Variants in CPS1 observed in about 807,000 individuals in gnomAD.
The protein encoded by CPS1 is carbamoyl-phosphate synthase [ammonia], mitochondrial.
Under a neutral mutation model 174.6 loss-of-function variants are expected in CPS1, and 109 were observed. The observed-to-expected ratio is 0.62, with a 90% confidence interval of 0.53 to 0.73. The LOEUF (loss-of-function observed/expected upper bound fraction) is 0.73. Ranked by LOEUF, CPS1 falls within the 30% of genes least tolerant of loss-of-function variation. CPS1 has a pLI of 0.00. For missense variants in CPS1, 1,689 were observed against 1,821.9 expected, an observed-to-expected ratio of 0.93 and a Z score of 1.33; for synonymous variants, 637 against 632.0, an observed-to-expected ratio of 1.01 and a Z score of -0.12.
At chr2:210,631,846 A>C (rs552806036) in intron 21 of CPS1, among the ~76,000 whole-genome samples, 1 of 152,354 alleles carries the variant, frequency 6.6e-6, no homozygotes, top group African/African-American at 2.4e-5. Context: ...CAAAAGAGTA[A>C]AAATTAACAT....
At chr2:210,629,931 G>A (rs914044080) in intron 21 of CPS1, among the ~76,000 whole-genome samples, 2 of 151,390 alleles carry the variant, frequency 1.3e-5, no homozygotes, top group African/African-American at 4.8e-5. Context: ...AAATTAGCCG[G>A]GCGTGGTGGC....
intron 25 of CPS1, among the ~76,000 whole-genome samples, chr2:210,646,935 A>AT (rs367904740): frequency 7.7e-4 from 113 of 147,400 alleles, no homozygotes; most frequent in Middle Eastern, 3.5e-3. Flanking sequence ...TTAGTGGACT[A>AT]TTTTTTTTTT....
upstream of CPS1, among the ~76,000 whole-genome samples, chr2:210,554,083 A>G (rs1010796946): frequency 6.9e-6 from 1 of 144,824 alleles, no homozygotes; most frequent in African/African-American, 2.7e-5. Flanking sequence ...ATATACATAC[A>G]TATGTATATG....
At chr2:210,504,738 A>G (rs1422274854) in intron 1 of CPS1, among the ~76,000 whole-genome samples, 1 of 152,244 alleles carries the variant, frequency 6.6e-6, no homozygotes, top group Non-Finnish European at 1.5e-5. Flanking sequence ...GATTCAACAG[A>G]TGCTCCAAAC....
At chr2:210,554,280 T>TAC (rs748064714), upstream of CPS1, among the ~76,000 whole-genome samples, 81 of 149,570 alleles carry the variant, frequency 5.4e-4, no homozygotes, top group Non-Finnish European at 8.2e-4. Context: ...TGTATATATA[T>TAC]ACACACACAC....
At chr2:210,596,140 A>G (rs12694204) in intron 13 of CPS1, among the ~76,000 whole-genome samples, 96,600 of 151,778 alleles carry the variant, frequency 0.64, 32,073 homozygotes, top group African/African-American at 0.84. Flanking sequence ...GTAGAAAAAA[A>G]GATTTGATAC....
At chr2:210,639,792 T>A (rs1213149103) in intron 23 of CPS1, among the ~76,000 whole-genome samples, 2 of 152,192 alleles carry the variant, frequency 1.3e-5, no homozygotes, top group Non-Finnish European at 2.9e-5. Context: ...CTATTTAATT[T>A]AAAAAATTCT....
At chr2:210,647,734 T>C in intron 25 of CPS1, 129 bp from the exon 26 acceptor site, 5 of 1,184,768 alleles carry the variant, frequency 4.2e-6, no homozygotes, top group Non-Finnish European at 6.2e-6. Context: ...CAGTATTCAT[T>C]GGTAGGAGAG....
chr2:210,548,636 T>C (rs866376046), intron 1 of CPS1, among the ~76,000 whole-genome samples: 9 of 152,196 alleles, frequency 5.9e-5, no homozygotes, highest in Middle Eastern at 3.4e-3. Flanking sequence ...GGCTTCCTTT[T>C]GTCTTTCTTT....
chr2:210,554,132 T>C (rs145841563), upstream of CPS1, among the ~76,000 whole-genome samples: 4,174 of 133,542 alleles, frequency 0.031, 149 homozygotes, highest in Non-Finnish European at 0.049. Context: ...TATATATACA[T>C]ACATATATAT....
intron 1 of CPS1, among the ~76,000 whole-genome samples, chr2:210,492,043 A>C (rs2105952398): frequency 6.6e-6 from 1 of 152,322 alleles, no homozygotes; most frequent in South Asian, 2.1e-4. Context: ...AAGCCGACAA[A>C]GTTGACTGCT....
chr2:210,601,989 G>T (rs1467568931), intron 15 of CPS1, among the ~76,000 whole-genome samples: 1 of 149,810 alleles, frequency 6.7e-6, no homozygotes, highest in Admixed American at 6.7e-5. Flanking sequence ...TTTCTTAGAA[G>T]ATATATATAT....
At chr2:210,529,455 C>A (rs901194851) in intron 1 of CPS1, among the ~76,000 whole-genome samples, 4 of 151,840 alleles carry the variant, frequency 2.6e-5, no homozygotes, top group Non-Finnish European at 1.5e-5. Context: ...TAGGTTTATG[C>A]AATTTGGGAA....
chr2:210,580,549 A>C (rs965157401), intron 5 of CPS1, among the ~76,000 whole-genome samples: 5 of 152,108 alleles, frequency 3.3e-5, no homozygotes, highest in Non-Finnish European at 5.9e-5. Context: ...AAATAAAAAG[A>C]TAAATGACAC....
At chr2:210,608,216 A>G in intron 18 of CPS1, 145 bp from the exon 19 acceptor site, 1 of 724,080 alleles carries the variant, frequency 1.4e-6, no homozygotes, top group Non-Finnish European at 2.3e-6. Flanking sequence ...AGTGGCTACT[A>G]AATATTGATG....
intron 1 of CPS1, among the ~76,000 whole-genome samples, chr2:210,489,668 G>A (rs1694819229): frequency 6.6e-6 from 1 of 152,178 alleles, no homozygotes; most frequent in East Asian, 1.9e-4. Context: ...ATAAAGTGGG[G>A]AGGCAGAGCT....
At chr2:210,543,402 C>T (rs1378549500) in intron 1 of CPS1, among the ~76,000 whole-genome samples, 1 of 151,840 alleles carries the variant, frequency 6.6e-6, no homozygotes, top group East Asian at 1.9e-4. Flanking sequence ...GGTTCAATAT[C>T]CTTCTGTTTC....
chr2:210,625,486 A>G (rs1193160356), intron 21 of CPS1, among the ~76,000 whole-genome samples: 1 of 152,080 alleles, frequency 6.6e-6, no homozygotes, highest in Non-Finnish European at 1.5e-5. Flanking sequence ...ATGTGTCTCT[A>G]TCCCATATTT....
chr2:210,641,821 G>T (rs750176703), intron 24 of CPS1, among the ~76,000 whole-genome samples: 2 of 152,204 alleles, frequency 1.3e-5, no homozygotes, highest in East Asian at 3.8e-4. Flanking sequence ...TTAATGCAAA[G>T]AATTAGTACA....
Sources: gnomAD v4.1 joint callset for allele counts (sites outside exome capture counted in the v4.1 genomes callset) on GRCh38, gnomAD v4.1.1 for gene constraint, MANE v1.5 for transcripts, NCBI Gene and HGNC (gene_info 2026-07-23, HGNC 2026-07-21) for gene names.